LYPLAL1: variants seen among roughly 807,000 people sequenced by gnomAD.
LYPLAL1 encodes the protein lysophospholipase-like protein 1.
In LYPLAL1, 23 loss-of-function variants were observed where a neutral mutation model predicts 19.7. The ratio of observed to expected loss-of-function variants is 1.17; its 90% CI spans 0.84 to 1.65. The LOEUF (loss-of-function observed/expected upper bound fraction) is 1.65. Among genes scored for constraint, LYPLAL1 ranks in the 40% most tolerant of loss-of-function variants. The pLI is 0.00. For missense variants in LYPLAL1, 355 were observed against 279.4 expected, an observed-to-expected ratio of 1.27 and a Z score of -1.93; for synonymous variants, 119 against 96.3, an observed-to-expected ratio of 1.24 and a Z score of -1.38.
the LYPLAL1 span, among the ~76,000 whole-genome samples, chr1:219,376,863 T>A: frequency 6.6e-6 from 1 of 152,104 alleles, no homozygotes; most frequent in Non-Finnish European, 1.5e-5. Context: ...GAAATCAGAA[T>A]CTCTGTACAC....
intron 2 of LYPLAL1, among the ~76,000 whole-genome samples, chr1:219,182,068 T>G (rs908672639): frequency 6.6e-6 from 1 of 152,184 alleles, no homozygotes; most frequent in African/African-American, 2.4e-5. Flanking sequence ...TTTGTTGTGG[T>G]AAATAACCTA....
At chr1:219,306,486 A>G in the LYPLAL1 span, among the ~76,000 whole-genome samples, 2 of 152,302 alleles carry the variant, frequency 1.3e-5, no homozygotes, top group South Asian at 4.1e-4. Context: ...CCTTAATAGA[A>G]CATAAAGTCT....
chr1:219,273,623 T>C, the LYPLAL1 span, among the ~76,000 whole-genome samples: 5 of 152,340 alleles, frequency 3.3e-5, no homozygotes, highest in African/African-American at 1.2e-4. Flanking sequence ...GCTCATGATA[T>C]GCTGCTGAAC....
the LYPLAL1 span, among the ~76,000 whole-genome samples, chr1:219,445,417 G>A: frequency 9.9e-6 from 1 of 100,906 alleles, no homozygotes; most frequent in Non-Finnish European, 1.8e-5. Flanking sequence ...TTGGGGGGGG[G>A]GCGGTGGGGG....
chr1:219,417,408 A>G, the LYPLAL1 span, among the ~76,000 whole-genome samples: 1 of 152,150 alleles, frequency 6.6e-6, no homozygotes, highest in Non-Finnish European at 1.5e-5. Context: ...ATGGCAATGG[A>G]CTCATTTGTC....
downstream of LYPLAL1, among the ~76,000 whole-genome samples, chr1:219,213,601 T>C (rs568556302): frequency 6.6e-6 from 1 of 152,226 alleles, no homozygotes; most frequent in African/African-American, 2.4e-5. Flanking sequence ...TATCAGCGTT[T>C]TTGAGGCTTT....
At chr1:219,264,978 G>A in the LYPLAL1 span, among the ~76,000 whole-genome samples, 123 of 152,282 alleles carry the variant, frequency 8.1e-4, no homozygotes, top group African/African-American at 2.8e-3. Flanking sequence ...TTATTGGCTA[G>A]GGTGGGCATA....
chr1:219,386,418 G>T, the LYPLAL1 span, among the ~76,000 whole-genome samples: 1 of 152,128 alleles, frequency 6.6e-6, no homozygotes, highest in African/African-American at 2.4e-5. Flanking sequence ...AGAGGAATTG[G>T]AGATTCCTCC....
At position 219,210,574 on chromosome 1, in the gene LYPLAL1, A is replaced by G. The variant is rs768990790; in HGVS notation, c.404A>G (p.Tyr135Cys). ...MGGCMAIHLA[Y>C]RNHQDVAGVF... ...GGATGCATGGCAATACATTTAGCAT[A>G]TAGAAATCATCAAGATGTGGCAGGA... The change falls in exon 4 of 5, where the codon TAT becomes TGT. Residue 135 changes from tyrosine to cysteine, a missense_variant. Transcript: ENST00000366928. 64 of 1,610,274 alleles carry G rather than the reference A, an allele frequency of 4.0e-5. No individual in the cohort carries two copies. The highest frequency in any genetic ancestry group is 5.0e-5 in the Non-Finnish European group (59 of 1,177,754).
chr1:219,363,923 A>G, the LYPLAL1 span, among the ~76,000 whole-genome samples: 1 of 152,174 alleles, frequency 6.6e-6, no homozygotes, highest in Non-Finnish European at 1.5e-5. Flanking sequence ...CCTGGAAAGT[A>G]ATTTTCTTAG....
At chr1:219,362,673 G>A in the LYPLAL1 span, among the ~76,000 whole-genome samples, 1 of 152,110 alleles carries the variant, frequency 6.6e-6, no homozygotes, top group South Asian at 2.1e-4. Context: ...AATGAAAGCG[G>A]AGTATAGGGA....
At chr1:219,395,977 C>T in the LYPLAL1 span, among the ~76,000 whole-genome samples, 1 of 151,884 alleles carries the variant, frequency 6.6e-6, no homozygotes, top group Admixed American at 6.6e-5. Flanking sequence ...GTGGCGGGCA[C>T]CTGTAGTCCC....
the LYPLAL1 span, among the ~76,000 whole-genome samples, chr1:219,258,055 A>G: frequency 6.6e-6 from 1 of 151,974 alleles, no homozygotes; most frequent in Non-Finnish European, 1.5e-5. Context: ...GCAAGGAGAA[A>G]AATATGGCTC....
chr1:219,201,036 CA>C (rs894349881), intron 3 of LYPLAL1, among the ~76,000 whole-genome samples: 2 of 151,884 alleles, frequency 1.3e-5, no homozygotes, highest in African/African-American at 2.4e-5. Context: ...ATTCCTGTCA[CA>C]AAAAAAGTGT....
chr1:219,356,268 G>A, the LYPLAL1 span, among the ~76,000 whole-genome samples: 6 of 152,112 alleles, frequency 3.9e-5, no homozygotes, highest in South Asian at 1.2e-3. Context: ...TTGGGAGGCC[G>A]AGGTGGGCGG....
chr1:219,254,061 T>C, the LYPLAL1 span, among the ~76,000 whole-genome samples: 1 of 152,106 alleles, frequency 6.6e-6, no homozygotes, highest in Non-Finnish European at 1.5e-5. Context: ...TGGATCTTTG[T>C]GGCTTTGAAC....
the LYPLAL1 span, among the ~76,000 whole-genome samples, chr1:219,224,802 T>C: frequency 6.6e-6 from 1 of 152,180 alleles, no homozygotes; most frequent in Non-Finnish European, 1.5e-5. Flanking sequence ...CAATCTAATG[T>C]TTATAGTCAT....
At chr1:219,264,233 G>A in the LYPLAL1 span, among the ~76,000 whole-genome samples, 1 of 152,092 alleles carries the variant, frequency 6.6e-6, no homozygotes, top group Admixed American at 6.5e-5. Context: ...TACTGGCAGT[G>A]GTATCAGAGA....
chr1:219,410,308 C>T, the LYPLAL1 span: 1 of 152,142 alleles, frequency 6.6e-6, no homozygotes, highest in Non-Finnish European at 1.5e-5. Context: ...ATCATTTAAC[C>T]TTTTATTTCT....
Sources: gnomAD v4.1 joint callset for allele counts (sites outside exome capture counted in the v4.1 genomes callset) on GRCh38, gnomAD v4.1.1 for gene constraint, MANE v1.5 for transcripts, NCBI Gene and HGNC (gene_info 2026-07-23, HGNC 2026-07-21) for gene names.